Variants in BMPR1A observed in about 807,000 individuals in gnomAD.
The protein encoded by BMPR1A is bone morphogenetic protein receptor type-1A.
Under a neutral mutation model 66.0 loss-of-function variants are expected in BMPR1A, and 7 were observed. The observed-to-expected ratio is 0.11, with a 90% CI of 0.06 to 0.20. The LOEUF is 0.20. Ranked by LOEUF, BMPR1A falls within the 10% of genes least tolerant of loss-of-function variation. The pLI is 1.00. For missense variants in BMPR1A, 408 were observed against 669.1 expected, an observed-to-expected ratio of 0.61 and a Z score of 4.31; for synonymous variants, 200 against 229.7, an observed-to-expected ratio of 0.87 and a Z score of 1.17.
chr10:86,830,918 C>T (rs528877762), intron 1 of BMPR1A, among the ~76,000 whole-genome samples: 1 of 152,088 alleles, frequency 6.6e-6, no homozygotes, highest in Non-Finnish European at 1.5e-5. Flanking sequence ...CAGCCCCAGA[C>T]GGCCACGAAT....
At chr10:86,846,702 C>T (rs1385637647) in intron 2 of BMPR1A, among the ~76,000 whole-genome samples, 1 of 151,904 alleles carries the variant, frequency 6.6e-6, no homozygotes, top group South Asian at 2.1e-4. Context: ...CTCTGTCCCC[C>T]GCCGCCCACA....
intron 1 of BMPR1A, among the ~76,000 whole-genome samples, chr10:86,772,465 A>G (rs192312653): frequency 1.3e-4 from 20 of 152,178 alleles, no homozygotes; most frequent in African/African-American, 3.9e-4. Flanking sequence ...TACCATGAGT[A>G]TTACTCTTAA....
At chr10:86,825,896 T>A (rs1461696666) in intron 1 of BMPR1A, among the ~76,000 whole-genome samples, 5 of 152,244 alleles carry the variant, frequency 3.3e-5, no homozygotes, top group Non-Finnish European at 7.3e-5. Flanking sequence ...AGCTCTGTCA[T>A]ACTAACACTG....
intron 1 of BMPR1A, among the ~76,000 whole-genome samples, chr10:86,763,038 A>G (rs972418897): frequency 6.6e-6 from 1 of 151,600 alleles, no homozygotes; most frequent in African/African-American, 2.4e-5. Flanking sequence ...TGGGGTCACA[A>G]GCGTGAGCCA....
At chr10:86,794,243 ATTT>A (rs530107349) in intron 1 of BMPR1A, among the ~76,000 whole-genome samples, 1 of 148,906 alleles carries the variant, frequency 6.7e-6, no homozygotes, top group East Asian at 2.0e-4. Flanking sequence ...AATTTTATCT[ATTT>A]TTTTTTTATG....
intron 2 of BMPR1A, among the ~76,000 whole-genome samples, chr10:86,869,316 G>C (rs543473093): frequency 3.3e-5 from 5 of 152,112 alleles, no homozygotes; most frequent in South Asian, 4.2e-4. Context: ...AAATTAGCTG[G>C]ACGTGGTGGT....
rs372948348 is a variant in BMPR1A at position 86,858,557 on chromosome 10, C to T, written c.-152-17310C>T. On this transcript the variant is annotated intron_variant, in intron 2 of 12. Coordinates refer to ENST00000372037, the MANE Select transcript of BMPR1A (RefSeq NM_004329.3). ...ATGTGGAAAACCCTAAAAACTTCACCATAAAACTTTTAGAACTGATAAATG... is the reference window on the plus strand; with the variant it reads ...ATGTGGAAAACCCTAAAAACTTCACTATAAAACTTTTAGAACTGATAAATG... Among the ~76,000 whole-genome samples the T allele has an allele frequency of 3.9e-5, 6 of 152,146 alleles. No homozygotes were observed. In the East Asian group the frequency reaches 7.7e-4, roughly 20 times the overall value.
intron 1 of BMPR1A, among the ~76,000 whole-genome samples, chr10:86,759,046 A>G (rs1422803205): frequency 6.6e-6 from 1 of 152,230 alleles, no homozygotes; most frequent in Non-Finnish European, 1.5e-5. Flanking sequence ...GATTTTAATT[A>G]AGGTGCAGAA....
In BMPR1A at chr10:86,890,770, T is replaced by C. The variant is rs570942299; in HGVS notation, c.230+546T>C. Among the ~76,000 whole-genome samples, 8 of 152,300 alleles carry C rather than the reference T, an allele frequency of 5.3e-5. No homozygotes were observed. In the East Asian group the frequency reaches 1.2e-3, roughly 22 times the overall value. On this transcript the variant is annotated intron_variant, in intron 4 of 12. Transcript: ENST00000372037. ...AATTAGTTGAAATATTTTGCAGATA[T>C]ATATAAATCATATTGTGTTAATTAA...
At chr10:86,789,682 C>T (rs1369007029) in intron 1 of BMPR1A, among the ~76,000 whole-genome samples, 1 of 149,218 alleles carries the variant, frequency 6.7e-6, no homozygotes, top group East Asian at 2.0e-4. Flanking sequence ...CACTGCACTC[C>T]ATCCTGGGTG....
chr10:86,855,399 G>T, intron 2 of BMPR1A: 2 of 795,564 alleles, frequency 2.5e-6, no homozygotes, highest in South Asian at 3.8e-5. Context: ...GGTTTGATTT[G>T]GCAAATTTTC....
At chr10:86,837,247 C>CTGTGTGTGTGTGTGTCTGTGTGTG (rs566199959) in intron 1 of BMPR1A, among the ~76,000 whole-genome samples, 12 of 138,216 alleles carry the variant, frequency 8.7e-5, no homozygotes, top group East Asian at 4.2e-4. Context: ...GTGTGTGTGT[C>CTGTGTGTGTGTGTGTCTGTGTGTG]TGTGTGTGTG....
intron 5 of BMPR1A, among the ~76,000 whole-genome samples, chr10:86,893,396 A>T (rs1289157491): frequency 2.0e-5 from 3 of 152,224 alleles, no homozygotes; most frequent in Non-Finnish European, 2.9e-5. Context: ...TTGTCCCAGG[A>T]GATCCTTCCA....
At chr10:86,786,412 A>C (rs1841518809) in intron 1 of BMPR1A, among the ~76,000 whole-genome samples, 1 of 151,578 alleles carries the variant, frequency 6.6e-6, no homozygotes, top group Non-Finnish European at 1.5e-5. Flanking sequence ...TGTTTCTTGC[A>C]CTGCTCTTGC....
At chr10:86,806,612 T>C (rs1055508062) in intron 1 of BMPR1A, among the ~76,000 whole-genome samples, 9 of 152,278 alleles carry the variant, frequency 5.9e-5, no homozygotes, top group Admixed American at 3.3e-4. Context: ...AGTGTGGTGG[T>C]GCGATCACAG....
intron 2 of BMPR1A, among the ~76,000 whole-genome samples, chr10:86,854,074 A>G (rs1163995463): frequency 6.6e-6 from 1 of 151,836 alleles, no homozygotes; most frequent in Non-Finnish European, 1.5e-5. Flanking sequence ...GGACCATTTC[A>G]GAGGCCCACC....
At chr10:86,819,137 T>G (rs946350519) in intron 1 of BMPR1A, among the ~76,000 whole-genome samples, 4 of 149,878 alleles carry the variant, frequency 2.7e-5, no homozygotes, top group African/African-American at 7.4e-5. Flanking sequence ...TCCTCACACA[T>G]GAAGAAATGG....
At chr10:86,788,912 T>C (rs1184784706) in intron 1 of BMPR1A, among the ~76,000 whole-genome samples, 1 of 152,106 alleles carries the variant, frequency 6.6e-6, no homozygotes, top group Non-Finnish European at 1.5e-5. Flanking sequence ...CAGTTCTGTT[T>C]TCAAATTCCT....
At position 86,791,694 on chromosome 10, in the gene BMPR1A, TC is replaced by T. The variant is rs1564686268; in HGVS notation, c.-268+34778del. On this transcript the variant is annotated intron_variant, in intron 1 of 12. Transcript: ENST00000372037. Reference sequence around the variant, plus strand: ...TTTCCTTCTTTACTTCCTTCCTCCCTCCCTCCCTCCCTCCCTCCCTTCCTTC... The same window carrying T: ...TTTCCTTCTTTACTTCCTTCCTCCCTCCTCCCTCCCTCCCTCCCTTCCTTC... Among the ~76,000 whole-genome samples, 33 of 73,620 alleles carry T rather than the reference TC, an allele frequency of 4.5e-4. 1 individual carries two copies. Among genetic ancestry groups the T allele is most frequent in the Middle Eastern group, 5.3e-3 (1 of 188 alleles). 48.3% of individuals were successfully genotyped at this position (73,620 alleles called of 152,430 possible).
Sources: allele counts gnomAD v4.1 joint callset (sites outside exome capture counted in the v4.1 genomes callset), GRCh38; gene constraint gnomAD v4.1.1; transcripts MANE v1.5; gene names NCBI Gene and HGNC (gene_info 2026-07-23, HGNC 2026-07-21).